The following STYX variants were observed in gnomAD, a reference collection of about 807,000 sequenced individuals.
STYX encodes serine/threonine/tyrosine-interacting protein.
Under a neutral mutation model 42.7 loss-of-function variants are expected in STYX, and 20 were observed. That is an observed-to-expected ratio of 0.47 (90% CI 0.33 to 0.68). STYX has a LOEUF of 0.68. Among genes scored for constraint, STYX ranks in the 30% least tolerant of loss-of-function variants. The pLI, the probability that STYX is intolerant of heterozygous loss-of-function variation, is 0.02. For missense variants in STYX, 226 were observed against 268.5 expected (o/e 0.84, Z 1.11); for synonymous variants, 78 against 81.9 (o/e 0.95, Z 0.26).
intron 3 of STYX, among the ~76,000 whole-genome samples, chr14:52,747,600 G>C (rs547636208): frequency 1.3e-5 from 2 of 152,190 alleles, no homozygotes; most frequent in African/African-American, 2.4e-5. Flanking sequence ...CAAGGTTATT[G>C]TCCATATAAT....
chr14:52,750,631 A>G (rs2139903724), intron 3 of STYX, 52 bp from the exon 4 acceptor site: 1 of 1,154,498 alleles, frequency 8.7e-7, no homozygotes, highest in Admixed American at 2.4e-5. Context: ...GATGTTTGAT[A>G]TTTTAAAATA....
chr14:52,761,568 T>G (rs917075687), intron 9 of STYX, among the ~76,000 whole-genome samples: 1 of 133,918 alleles, frequency 7.5e-6, no homozygotes, highest in Non-Finnish European at 1.7e-5. Context: ...AGCCAAAAGT[T>G]TTTTTTTTTT....
At chr14:52,734,679 G>A (rs1046868011) in intron 1 of STYX, among the ~76,000 whole-genome samples, 35 of 152,200 alleles carry the variant, frequency 2.3e-4, no homozygotes, top group African/African-American at 8.2e-4. Flanking sequence ...ATTGTCTGCT[G>A]AAAGCCAATT....
At chr14:52,764,128 G>A (rs2139931418) in intron 9 of STYX, among the ~76,000 whole-genome samples, 1 of 152,164 alleles carries the variant, frequency 6.6e-6, no homozygotes, top group African/African-American at 2.4e-5. Flanking sequence ...AAGTAGCTGG[G>A]ATTACAGGCA....
At chr14:52,747,721 G>A (rs994509299) in intron 3 of STYX, among the ~76,000 whole-genome samples, 1 of 152,144 alleles carries the variant, frequency 6.6e-6, no homozygotes, top group African/African-American at 2.4e-5. Flanking sequence ...TTAAATTAAA[G>A]TATTTGTTTA....
chr14:52,755,121 G>GTTTTTTTTTTTTTTTTTTTTTT (rs537098365), intron 4 of STYX, among the ~76,000 whole-genome samples: 2 of 139,308 alleles, frequency 1.4e-5, no homozygotes, highest in Non-Finnish European at 3.1e-5. Context: ...TTGTTTTTTT[G>GTTTTTTTTTTTTTTTTTTTTTT]TTTTTTTTTT....
At chr14:52,756,477 T>A in intron 4 of STYX, 74 bp from the exon 5 acceptor site, 1 of 864,516 alleles carries the variant, frequency 1.2e-6, no homozygotes, top group Non-Finnish European at 1.8e-6. Context: ...TAACAAGAAA[T>A]AATGAGTTAT....
chr14:52,739,282 A>T (rs944213997), intron 1 of STYX, among the ~76,000 whole-genome samples: 7 of 152,162 alleles, frequency 4.6e-5, no homozygotes, highest in Non-Finnish European at 8.8e-5. Flanking sequence ...TATTTCCCAG[A>T]ATATATTTAC....
chr14:52,742,745 T>C (rs1387274886), intron 1 of STYX, among the ~76,000 whole-genome samples: 1 of 151,960 alleles, frequency 6.6e-6, no homozygotes, highest in Non-Finnish European at 1.5e-5. Context: ...GACTTCCTTA[T>C]GCTGGCTCAG....
chr14:52,755,108 T>C (rs1234276192), intron 4 of STYX, among the ~76,000 whole-genome samples: 3 of 140,004 alleles, frequency 2.1e-5, no homozygotes, highest in African/African-American at 7.8e-5. Context: ...TGTTTTTTTT[T>C]GTTTGTTTTT....
At chr14:52,746,655 C>T (rs1423473442) in intron 3 of STYX, among the ~76,000 whole-genome samples, 176 bp downstream of exon 3, 1 of 152,180 alleles carries the variant, frequency 6.6e-6, no homozygotes, top group Non-Finnish European at 1.5e-5. Context: ...CAGTAGTTCT[C>T]AAGTGTTTCA....
intron 9 of STYX, among the ~76,000 whole-genome samples, chr14:52,765,761 C>T (rs1393940624): frequency 6.6e-6 from 1 of 152,176 alleles, no homozygotes; most frequent in African/African-American, 2.4e-5. Flanking sequence ...AGATCCCTCG[C>T]ATACCATAGG....
In STYX at chr14:52,771,175, T is replaced by A. The variant is rs1882496711; in HGVS notation, c.*69T>A. 7.8e-6 allele frequency: 11 copies of A among 1,406,074 alleles called. No homozygotes were observed. Among genetic ancestry groups the A allele is most frequent in the Non-Finnish European group, 1.1e-5 (11 of 1,021,862 alleles). The allele number at this position is 1,406,074 out of a possible 1,614,324, so 87.1% of individuals were successfully genotyped here. ...GAGAAAATACAAGAGAAAATTATAA[T>A]GTAAAATGGTAAAAACATAAGTAGT... On this transcript the variant is annotated 3_prime_UTR_variant, in exon 11 of 11. Transcript: ENST00000354586.
At chr14:52,744,005 G>A (rs1311862861) in intron 1 of STYX, among the ~76,000 whole-genome samples, 1 of 152,058 alleles carries the variant, frequency 6.6e-6, no homozygotes, top group East Asian at 1.9e-4. Context: ...TGTATTTTTA[G>A]TAGAGAAGGG....
chr14:52,739,950 CAT>C (rs1241603328), intron 1 of STYX, among the ~76,000 whole-genome samples: 5 of 152,054 alleles, frequency 3.3e-5, no homozygotes, highest in Non-Finnish European at 5.9e-5. Context: ...CTAAAAAACT[CAT>C]ATATAAAAAG....
At chr14:52,757,202 G>A in intron 5 of STYX, 117 bp from the exon 6 acceptor site, 1 of 810,212 alleles carries the variant, frequency 1.2e-6, no homozygotes, top group South Asian at 2.6e-5. Flanking sequence ...GGAAATTGGT[G>A]AATCAAAATA....
At chr14:52,739,084 C>T (rs546143045) in intron 1 of STYX, among the ~76,000 whole-genome samples, 1 of 150,772 alleles carries the variant, frequency 6.6e-6, no homozygotes, top group South Asian at 2.1e-4. Flanking sequence ...TGAAATATCA[C>T]GGATTTTGTT....
At chr14:52,741,770 C>G (rs191226535) in intron 1 of STYX, among the ~76,000 whole-genome samples, 68 of 152,202 alleles carry the variant, frequency 4.5e-4, no homozygotes, top group African/African-American at 1.6e-3. Context: ...AATTATACTT[C>G]TTATTTCTAC....
chr14:52,743,547 C>T (rs1159616258), intron 1 of STYX, among the ~76,000 whole-genome samples: 1 of 152,008 alleles, frequency 6.6e-6, no homozygotes, highest in Non-Finnish European at 1.5e-5. Flanking sequence ...CGCCACTGCA[C>T]TCCAACCTGG....
Sources: allele counts gnomAD v4.1 joint callset (sites outside exome capture counted in the v4.1 genomes callset), GRCh38; gene constraint gnomAD v4.1.1; transcripts MANE v1.5; gene names NCBI Gene and HGNC (gene_info 2026-07-23, HGNC 2026-07-21).